The following FCRL2 variants were observed in gnomAD, a reference collection of about 807,000 sequenced individuals.
The protein encoded by FCRL2 is Fc receptor-like protein 2.
FCRL2 carries 48 observed loss-of-function variants against 59.8 expected under a neutral mutation model. That is an observed-to-expected ratio of 0.80 (90% CI 0.64 to 1.02). The LOEUF is 1.02. Among genes scored for constraint, FCRL2 ranks in the 50% least tolerant of loss-of-function variants. FCRL2 has a pLI of 0.00. For missense variants in FCRL2, 658 were observed against 597.3 expected (o/e 1.10, Z -1.06); for synonymous variants, 251 against 229.5 (o/e 1.09, Z -0.85).
At chr1:157,758,560 T>G (rs1283597019) in intron 7 of FCRL2, among the ~76,000 whole-genome samples, 1 of 151,788 alleles carries the variant, frequency 6.6e-6, no homozygotes, top group Non-Finnish European at 1.5e-5. Flanking sequence ...TTCAAAGCTA[T>G]TTACAGATTC....
chr1:157,764,017 G>A (rs1018125945), intron 7 of FCRL2, among the ~76,000 whole-genome samples: 1 of 132,638 alleles, frequency 7.5e-6, no homozygotes, highest in South Asian at 2.4e-4. Context: ...GTGATAGTGC[G>A]AGACTTCATC....
In FCRL2 at chr1:157,767,280, G is replaced by T. The variant is rs575518970; in HGVS notation, c.1113C>A (p.Asn371Lys). ...EHSGNYSCEANNGLGAQCSEA... is the reference protein window; with the variant it reads ...EHSGNYSCEAKNGLGAQCSEA... Reference sequence around the variant, plus strand: ...CACTGCACTGGGCCCCCAGGCCGTTGTTGGCCTCACAGGAGTAGTTTCCAG... The same window carrying T: ...CACTGCACTGGGCCCCCAGGCCGTTTTTGGCCTCACAGGAGTAGTTTCCAG... Residue 371 changes from asparagine (N) to lysine (K), a missense_variant, in exon 6 of 12, where the codon AAC becomes AAA. Coordinates refer to ENST00000361516, the MANE Select transcript of FCRL2 (RefSeq NM_030764.4). The T allele has an allele frequency of 2.5e-6, 4 of 1,614,240 alleles. No individual in the cohort carries two copies. Among genetic ancestry groups the T allele is most frequent in the African/African-American group, 1.3e-5 (1 of 75,068 alleles).
chr1:157,746,547 G>A lies in FCRL2; in HGVS notation c.*189C>T. The A allele has an allele frequency of 1.6e-6, 1 of 606,760 alleles. No homozygotes were observed. Among genetic ancestry groups the A allele is most frequent in the South Asian group, 2.0e-5 (1 of 49,440 alleles). 37.6% of individuals were successfully genotyped at this position (606,760 alleles called of 1,614,324 possible). On this transcript the variant is annotated 3_prime_UTR_variant, in exon 12 of 12. Transcript: ENST00000361516. ...TGTCTGGATGTAGCAGCAGTTCAAT[G>A]AATATTGATAGGTAAAAGAAGATAT... is the stretch of plus-strand genomic sequence containing the variant.
intron 4 of FCRL2, chr1:157,769,094 T>G (rs1376978207): frequency 6.2e-6 from 1 of 160,940 alleles, no homozygotes; most frequent in African/African-American, 2.4e-5. Flanking sequence ...CTATCATTTT[T>G]AATTTCAAGG....
At chr1:157,770,196 A>G in intron 3 of FCRL2, 46 bp from the exon 4 acceptor site, 1 of 1,592,056 alleles carries the variant, frequency 6.3e-7, no homozygotes, top group Non-Finnish European at 8.6e-7. Flanking sequence ...GACAGCTAAG[A>G]TTCCTGCTGA....
At chr1:157,746,826 G>A (rs1396786797) in intron 11 of FCRL2, 45 bp downstream of exon 11, 2 of 1,613,758 alleles carry the variant, frequency 1.2e-6, no homozygotes, top group Admixed American at 1.7e-5. Flanking sequence ...AAATAAATAG[G>A]GAGAAGGAAG....
intron 7 of FCRL2, among the ~76,000 whole-genome samples, chr1:157,759,724 T>C (rs951609172): frequency 1.2e-4 from 18 of 152,154 alleles, no homozygotes; most frequent in African/African-American, 4.3e-4. Context: ...ATTAGGGAAA[T>C]GTAAATCAAA....
intron 7 of FCRL2, among the ~76,000 whole-genome samples, chr1:157,761,552 T>C (rs571480498): frequency 6.6e-6 from 1 of 152,304 alleles, no homozygotes; most frequent in East Asian, 1.9e-4. Flanking sequence ...AAGACTGCAG[T>C]GAGCCAAGAT....
At position 157,768,557 on chromosome 1, in the gene FCRL2, C is replaced by A. The variant is rs1257833185; in HGVS notation, c.740G>T (p.Ser247Ile). 4 of 1,614,124 alleles carry A rather than the reference C, an allele frequency of 2.5e-6. No homozygotes were observed. The highest frequency in any genetic ancestry group is 3.4e-6 in the Non-Finnish European group (4 of 1,180,048). Residue 247 changes from serine (S) to isoleucine (I), a missense_variant, in exon 5 of 12, where the codon AGT becomes ATT. Physicochemically the swap from Ser to Ile is moderately radical, Grantham distance 142. Coordinates refer to ENST00000361516, the MANE Select transcript of FCRL2 (RefSeq NM_030764.4). ...GGAACGCTGGGTTTTCTTTCCCATA[C>A]TGGTTCCTGTGGCCTCTCTGTACCA... ...FSWYREATGT[S>I]MGKKTQRSLS...
At chr1:157,775,361 C>A (rs1204086334) in intron 2 of FCRL2, among the ~76,000 whole-genome samples, 1 of 152,190 alleles carries the variant, frequency 6.6e-6, no homozygotes, top group Non-Finnish European at 1.5e-5. Flanking sequence ...TTTATTCTGA[C>A]CCTGCAGAAG....
chr1:157,748,499 G>T, intron 10 of FCRL2, 54 bp downstream of exon 10: 1 of 1,110,290 alleles, frequency 9.0e-7, no homozygotes, highest in South Asian at 1.3e-5. Context: ...TGCAAACAAT[G>T]CATCACTTTC....
intron 2 of FCRL2, among the ~76,000 whole-genome samples, chr1:157,774,075 A>G (rs60252565): frequency 0.011 from 1,745 of 152,368 alleles, 35 homozygotes; most frequent in African/African-American, 0.04. Flanking sequence ...AGTGAAAAAT[A>G]TCTTTACCAG....
rs199754690 is a variant in FCRL2 at position 157,766,970 on chromosome 1, T to A, written c.1164A>T (p.Gly388=). 118 of 1,611,284 alleles carry A rather than the reference T, an allele frequency of 7.3e-5. No homozygotes were observed. Among genetic ancestry groups the A allele is most frequent in the Non-Finnish European group, 9.5e-5 (112 of 1,179,224 alleles). ...TGAGGTCTCTTCTATAGCCATCAGG[T>A]CCTGAGGAAAGAAAGCAGTGCTTCA... ...CSEAVPVSIS[G]PDGYRRDLMT... The change falls in exon 7 of 12, where the codon GGA becomes GGT. Residue 388 remains glycine (G), a splice_region_variant and synonymous_variant. Coordinates refer to ENST00000361516, the MANE Select transcript of FCRL2 (RefSeq NM_030764.4).
At position 157,767,272 on chromosome 1, in the gene FCRL2, A is replaced by C. The variant is rs374803183; in HGVS notation, c.1121T>G (p.Leu374Arg). The change falls in exon 6 of 12, where the codon CTG becomes CGG. Residue 374 changes from leucine to arginine, a missense_variant. Physicochemically the swap from Leu to Arg is moderately radical, Grantham distance 102. Transcript: ENST00000361516. The stretch of plus-strand genomic sequence containing the variant: ...CACTGCCTCACTGCACTGGGCCCCC[A>C]GGCCGTTGTTGGCCTCACAGGAGTA... ...GNYSCEANNG[L>R]GAQCSEAVPV... 1 of 1,614,134 alleles carries C rather than the reference A, an allele frequency of 6.2e-7. No homozygotes were observed. The highest frequency in any genetic ancestry group is 1.3e-5 in the African/African-American group (1 of 75,054).
At chr1:157,752,127 T>C (rs1648237160) in intron 7 of FCRL2, among the ~76,000 whole-genome samples, 1 of 152,166 alleles carries the variant, frequency 6.6e-6, no homozygotes, top group South Asian at 2.1e-4. Context: ...AGAAACTATG[T>C]TTTTGTTGTT....
chr1:157,754,777 G>A (rs184414923), intron 7 of FCRL2, among the ~76,000 whole-genome samples: 2,695 of 152,022 alleles, frequency 0.018, 69 homozygotes, highest in African/African-American at 0.061. Flanking sequence ...ACCAGCCCGG[G>A]CAACATGGAG....
chr1:157,770,648 G>A lies in FCRL2; in HGVS notation c.71C>T (p.Ala24Val), dbSNP rs144041840. Residue 24 changes from alanine (A) to valine (V), a missense_variant, in exon 3 of 12, where the codon GCG becomes GTG. Ala to Val is a moderately conservative substitution (Grantham distance 64). Transcript: ENST00000361516. ...TEQADSLTLVAPSSVFEGDSI... is the reference protein window; with the variant it reads ...TEQADSLTLVVPSSVFEGDSI... ...GTCTCCTTCGAAGACAGAAGAGGGCGCCACAAGGGTCAGCGAATCTGGAAG... is the reference window on the plus strand; with the variant it reads ...GTCTCCTTCGAAGACAGAAGAGGGCACCACAAGGGTCAGCGAATCTGGAAG... 58 of 1,614,100 alleles carry A rather than the reference G, an allele frequency of 3.6e-5. No individual in the cohort carries two copies. The African/African-American group carries it at 4.8e-4, about 13-fold the overall frequency.
chr1:157,769,863 T>G lies in FCRL2; in HGVS notation c.595+3A>C. On this transcript the variant is annotated splice_donor_region_variant and intron_variant, in intron 4 of 11. Transcript: ENST00000361516. ...CTCCAGGCTCAGCCTCACTGATACTTGCTCTGCACGTGAATCTGGGATTGG... is the reference window on the plus strand; with the variant it reads ...CTCCAGGCTCAGCCTCACTGATACTGGCTCTGCACGTGAATCTGGGATTGG... 5.0e-6 allele frequency: 8 copies of G among 1,613,284 alleles called. No homozygotes were observed. Among genetic ancestry groups the G allele is most frequent in the Non-Finnish European group, 6.8e-6 (8 of 1,179,352 alleles).
At chr1:157,771,629 G>A (rs1036152016) in intron 2 of FCRL2, among the ~76,000 whole-genome samples, 1 of 152,176 alleles carries the variant, frequency 6.6e-6, no homozygotes, top group Non-Finnish European at 1.5e-5. Flanking sequence ...CTCCCCAGAG[G>A]TTGTTTTCCT....
Sources: gnomAD v4.1 joint callset for allele counts (sites outside exome capture counted in the v4.1 genomes callset) on GRCh38, gnomAD v4.1.1 for gene constraint, MANE v1.5 for transcripts, NCBI Gene and HGNC (gene_info 2026-07-23, HGNC 2026-07-21) for gene names.